PTPRT: variants seen among roughly 807,000 people sequenced by gnomAD.
PTPRT encodes the protein protein tyrosine phosphatase receptor type T, also known as receptor-type tyrosine-protein phosphatase T.
In PTPRT, 56 loss-of-function variants were observed where a neutral mutation model predicts 176.8. The ratio of observed to expected loss-of-function variants is 0.32; its 90% CI spans 0.26 to 0.40. The LOEUF (loss-of-function observed/expected upper bound fraction) is 0.40, where lower values mean the gene tolerates loss of function less well. Among genes scored for constraint, PTPRT ranks in the 10% least tolerant of loss-of-function variants. The probability of loss-of-function intolerance (pLI) is 1.00; values close to 1 mark genes in which losing one functional copy is unlikely to be tolerated. For missense variants in PTPRT, 1,540 were observed against 1,908.2 expected, an observed-to-expected ratio of 0.81 and a Z score of 3.60; for synonymous variants, 783 against 739.0, an observed-to-expected ratio of 1.06 and a Z score of -0.96.
At chr20:42,488,323 T>C (rs943796219) in intron 7 of PTPRT, among the ~76,000 whole-genome samples, 3 of 152,216 alleles carry the variant, frequency 2.0e-5, no homozygotes, top group African/African-American at 4.8e-5. Flanking sequence ...TACTGTCAGA[T>C]TGCTTTCAGA....
chr20:43,090,416 C>T (rs553593127), intron 1 of PTPRT, among the ~76,000 whole-genome samples: 53 of 152,076 alleles, frequency 3.5e-4, no homozygotes, highest in African/African-American at 7.5e-4. Context: ...TACAGGCGCC[C>T]GCCACCACGC....
chr20:42,196,124 T>C (rs1225260415), intron 16 of PTPRT, among the ~76,000 whole-genome samples: 1 of 152,182 alleles, frequency 6.6e-6, no homozygotes, highest in Non-Finnish European at 1.5e-5. Context: ...TCATTTTGCT[T>C]TTAAGAGTCC....
At chr20:42,132,612 C>G (rs1433062950) in intron 18 of PTPRT, among the ~76,000 whole-genome samples, 1 of 152,118 alleles carries the variant, frequency 6.6e-6, no homozygotes, top group African/African-American at 2.4e-5. Context: ...CAAATTAAAA[C>G]AAGATACCAC....
intron 6 of PTPRT, among the ~76,000 whole-genome samples, chr20:42,750,113 C>T (rs930255052): frequency 2.0e-5 from 3 of 152,118 alleles, no homozygotes; most frequent in Non-Finnish European, 4.4e-5. Flanking sequence ...GACCTCAATC[C>T]CATTTCAGAA....
At chr20:42,165,452 G>A (rs1198156508) in intron 16 of PTPRT, among the ~76,000 whole-genome samples, 2 of 152,176 alleles carry the variant, frequency 1.3e-5, no homozygotes, top group African/African-American at 2.4e-5. Flanking sequence ...CCTAAGAGAT[G>A]GAAGAAGGAT....
intron 7 of PTPRT, among the ~76,000 whole-genome samples, chr20:42,474,764 C>T (rs1322031197): frequency 6.6e-6 from 1 of 152,162 alleles, no homozygotes; most frequent in Non-Finnish European, 1.5e-5. Context: ...AATGGCTTGC[C>T]TGGGAAGCCC....
chr20:42,949,211 T>C (rs527990663), intron 1 of PTPRT, among the ~76,000 whole-genome samples: 1 of 152,348 alleles, frequency 6.6e-6, no homozygotes, highest in South Asian at 2.1e-4. Flanking sequence ...CTAGGGCCTA[T>C]TCCTACTCTC....
intron 2 of PTPRT, among the ~76,000 whole-genome samples, chr20:42,829,335 G>T (rs1414174108): frequency 6.6e-6 from 1 of 152,150 alleles, no homozygotes; most frequent in East Asian, 1.9e-4. Context: ...GATTTTACAG[G>T]CTCATAGGTG....
At chr20:42,633,784 A>AATAT (rs752371452) in intron 7 of PTPRT, among the ~76,000 whole-genome samples, 789 of 53,246 alleles carry the variant, frequency 0.015, 7 homozygotes, top group South Asian at 0.028. Context: ...AGACTCTGAA[A>AATAT]ATATATATAT....
chr20:42,318,061 T>C (rs1425363265), intron 11 of PTPRT, among the ~76,000 whole-genome samples: 1 of 152,222 alleles, frequency 6.6e-6, no homozygotes, highest in Non-Finnish European at 1.5e-5. Context: ...GTGGCTAACC[T>C]GAGTGTTTAG....
intron 6 of PTPRT, among the ~76,000 whole-genome samples, chr20:42,694,206 T>C (rs922466829): frequency 1.3e-5 from 2 of 151,792 alleles, no homozygotes; most frequent in Non-Finnish European, 1.5e-5. Flanking sequence ...GCCCGGCTAA[T>C]TTTTTGTATT....
chr20:42,739,293 A>T (rs1461804196), intron 6 of PTPRT, among the ~76,000 whole-genome samples: 1 of 141,682 alleles, frequency 7.1e-6, no homozygotes. Flanking sequence ...GGGAGAGATA[A>T]AAAAAAAGCA....
At chr20:42,859,724 C>G (rs1306296744) in intron 2 of PTPRT, among the ~76,000 whole-genome samples, 1 of 151,580 alleles carries the variant, frequency 6.6e-6, no homozygotes, top group African/African-American at 2.4e-5. Flanking sequence ...GCTGGGACTA[C>G]AGGCACCTGG....
the PTPRT span, among the ~76,000 whole-genome samples, chr20:42,063,180 G>T: frequency 1.3e-5 from 2 of 152,164 alleles, no homozygotes; most frequent in Non-Finnish European, 1.5e-5. Context: ...CCATGTGATT[G>T]TCTTTGGTTT....
At chr20:42,667,327 C>T (rs1230667397) in intron 7 of PTPRT, among the ~76,000 whole-genome samples, 1 of 152,112 alleles carries the variant, frequency 6.6e-6, no homozygotes, top group Non-Finnish European at 1.5e-5. Flanking sequence ...AGGAATTATA[C>T]CTCCCTCACA....
At chr20:42,813,579 G>A (rs2077732702) in intron 2 of PTPRT, among the ~76,000 whole-genome samples, 1 of 151,956 alleles carries the variant, frequency 6.6e-6, no homozygotes, top group Admixed American at 6.6e-5. Flanking sequence ...GCTCCATCCT[G>A]ACATGCCATT....
chr20:42,120,111 C>A, intron 19 of PTPRT, 140 bp from the exon 20 acceptor site: 1 of 686,742 alleles, frequency 1.5e-6, no homozygotes, highest in Non-Finnish European at 2.4e-6. Flanking sequence ...AGAGAAGTGG[C>A]AAAGGTTAAA....
chr20:42,505,660 G>T (rs974911423), intron 7 of PTPRT, among the ~76,000 whole-genome samples: 2 of 152,076 alleles, frequency 1.3e-5, no homozygotes, highest in Admixed American at 6.6e-5. Flanking sequence ...ATTATTTGTT[G>T]AAATGACAGA....
At chr20:42,537,453 G>A (rs915699025) in intron 7 of PTPRT, among the ~76,000 whole-genome samples, 1 of 152,084 alleles carries the variant, frequency 6.6e-6, no homozygotes, top group African/African-American at 2.4e-5. Flanking sequence ...AACTTATTGT[G>A]TGTCTACTCT....
Sources: allele counts gnomAD v4.1 joint callset (sites outside exome capture counted in the v4.1 genomes callset), GRCh38; gene constraint gnomAD v4.1.1; transcripts MANE v1.5; gene names NCBI Gene and HGNC (gene_info 2026-07-23, HGNC 2026-07-21).